Variants in ALG14 observed in about 807,000 individuals in gnomAD.
ALG14 encodes the protein ALG14 UDP-N-acetylglucosaminyltransferase subunit.
Under a neutral mutation model 22.8 loss-of-function variants are expected in ALG14, and 17 were observed. The ratio of observed to expected loss-of-function variants is 0.75; its 90% CI spans 0.51 to 1.12. ALG14 has a LOEUF of 1.12. ALG14 is among the 50% of genes most tolerant of loss of function. ALG14 has a pLI of 0.00. For missense variants in ALG14, 288 were observed against 271.8 expected, an observed-to-expected ratio of 1.06 and a Z score of -0.42; for synonymous variants, 89 against 103.7, an observed-to-expected ratio of 0.86 and a Z score of 0.86.
At position 94,981,863 on chromosome 1, in the gene ALG14, T is replaced by A. The variant is rs1450176549; in HGVS notation, c.*1213A>T. The A allele has an allele frequency of 6.6e-6, 1 of 151,538 alleles. No homozygotes were observed. Among genetic ancestry groups the A allele is most frequent in the Non-Finnish European group, 1.5e-5 (1 of 67,972 alleles). The allele number at this position is 151,538 out of a possible 1,614,324, so 9.4% of individuals were successfully genotyped here. On this transcript the variant is annotated 3_prime_UTR_variant, in exon 4 of 4. Transcript: ENST00000370205. ...AGGACCAGCGAAAGAATTCAGAGGG[T>A]CTAAAATATAAGTTCATTGTTTAAA...
chr1:95,038,889 T>A (rs538012635), intron 2 of ALG14, among the ~76,000 whole-genome samples: 33 of 151,868 alleles, frequency 2.2e-4, no homozygotes, highest in Admixed American at 1.2e-3. Context: ...TTGCTGATTT[T>A]AAAAAAACTT....
At chr1:95,071,233 G>C (rs1420726343) in intron 1 of ALG14, among the ~76,000 whole-genome samples, 2 of 152,140 alleles carry the variant, frequency 1.3e-5, no homozygotes, top group Admixed American at 6.5e-5. Context: ...CAACAGTGGA[G>C]TAGCAGCAAT....
At chr1:94,984,730 A>G (rs966209330) in intron 3 of ALG14, among the ~76,000 whole-genome samples, 4 of 152,192 alleles carry the variant, frequency 2.6e-5, no homozygotes, top group Non-Finnish European at 5.9e-5. Flanking sequence ...GTAATAGAAA[A>G]TGGAACTGAG....
intron 1 of ALG14, 113 bp downstream of exon 1, chr1:95,072,650 C>T: frequency 7.0e-7 from 1 of 1,434,272 alleles, no homozygotes; most frequent in Non-Finnish European, 9.4e-7. Context: ...AACTACAAAT[C>T]TCTGCATGCA....
chr1:95,041,537 C>A (rs1674378962), intron 2 of ALG14: 1 of 151,184 alleles, frequency 6.6e-6, no homozygotes, highest in South Asian at 2.1e-4. Context: ...ACTGCTTGAG[C>A]CCAGGAATTC....
At position 94,986,090 on chromosome 1, in the gene ALG14, TAAGTA is replaced by T. The variant is rs1341164682; in HGVS notation, c.421-2789_421-2785del. Among the ~76,000 whole-genome samples, 8 of 152,340 alleles carry T rather than the reference TAAGTA, an allele frequency of 5.3e-5. No individual in the cohort carries two copies. The East Asian group carries it at 1.5e-3, about 29-fold the overall frequency. On this transcript the variant is annotated intron_variant, in intron 3 of 3. Coordinates refer to ENST00000370205, the MANE Select transcript of ALG14 (RefSeq NM_144988.4). ...CAAAGCAGAACTCACTGAGACAGTC[TAAGTA>T]AAGATGTTAAATGATATAATGATTG... is the stretch of plus-strand genomic sequence containing the variant.
chr1:95,047,014 AAC>A, intron 2 of ALG14, among the ~76,000 whole-genome samples: 1 of 145,498 alleles, frequency 6.9e-6, no homozygotes. Flanking sequence ...AACATAACAT[AAC>A]ATAACATAAC....
chr1:94,993,012 T>C (rs1038545268), intron 3 of ALG14, among the ~76,000 whole-genome samples: 1 of 151,296 alleles, frequency 6.6e-6, no homozygotes, highest in African/African-American at 2.4e-5. Context: ...ATGAAACACA[T>C]AGACTATGTG....
chr1:95,002,906 G>C (rs1172528043), intron 3 of ALG14, among the ~76,000 whole-genome samples: 2 of 152,142 alleles, frequency 1.3e-5, no homozygotes, highest in Non-Finnish European at 2.9e-5. Context: ...TCAAGGCCCA[G>C]CTTAGTCTTT....
intron 2 of ALG14, among the ~76,000 whole-genome samples, chr1:95,032,871 G>A (rs1017006076): frequency 6.6e-6 from 1 of 152,132 alleles, no homozygotes. Flanking sequence ...AATCTTAAGA[G>A]AGTTTTTATT....
intron 2 of ALG14, among the ~76,000 whole-genome samples, chr1:95,043,289 C>CA (rs1674441215): frequency 6.6e-6 from 1 of 152,102 alleles, no homozygotes; most frequent in East Asian, 1.9e-4. Flanking sequence ...GGGAGGCCCC[C>CA]CATACACACG....
chr1:94,999,343 AT>A (rs548389921), intron 3 of ALG14, among the ~76,000 whole-genome samples: 11,999 of 108,498 alleles, frequency 0.11, 325 homozygotes, highest in African/African-American at 0.13. Context: ...CAGTAGACCC[AT>A]TTTTTTTTTT....
At chr1:95,014,152 C>T (rs1005575375) in intron 3 of ALG14, among the ~76,000 whole-genome samples, 27 of 152,148 alleles carry the variant, frequency 1.8e-4, no homozygotes, top group African/African-American at 6.3e-4. Context: ...GCATTGTTCA[C>T]TGTTTGGCTG....
chr1:95,068,992 G>C (rs889596622), intron 1 of ALG14, among the ~76,000 whole-genome samples: 4 of 152,102 alleles, frequency 2.6e-5, no homozygotes, highest in Non-Finnish European at 1.5e-5. Context: ...ATCTGAATGC[G>C]ATTGCTTTTC....
intron 2 of ALG14, among the ~76,000 whole-genome samples, chr1:95,042,041 A>T (rs2100798612): frequency 6.6e-6 from 1 of 152,292 alleles, no homozygotes; most frequent in East Asian, 1.9e-4. Context: ...TTAGATATTT[A>T]TAAAAAAATA....
intron 3 of ALG14, among the ~76,000 whole-genome samples, chr1:95,014,808 T>A (rs1209544916): frequency 1.3e-5 from 2 of 152,124 alleles, no homozygotes; most frequent in Non-Finnish European, 2.9e-5. Flanking sequence ...AGCAATGACA[T>A]CAGAAAGTCT....
At chr1:95,026,702 G>A (rs553819537) in intron 3 of ALG14, among the ~76,000 whole-genome samples, 1 of 152,180 alleles carries the variant, frequency 6.6e-6, no homozygotes, top group African/African-American at 2.4e-5. Context: ...GCCGAGGCGG[G>A]CAGATTACTT....
intron 3 of ALG14, among the ~76,000 whole-genome samples, chr1:95,007,213 C>T (rs916840997): frequency 6.6e-6 from 1 of 152,118 alleles, no homozygotes; most frequent in African/African-American, 2.4e-5. Flanking sequence ...GGGGTTTTCC[C>T]CCTTTGTTCG....
chr1:95,022,699 G>A (rs1316176172), intron 3 of ALG14, among the ~76,000 whole-genome samples: 1 of 152,126 alleles, frequency 6.6e-6, no homozygotes. Flanking sequence ...AGACAAGTGT[G>A]GTCTAATTGT....
Sources: gnomAD v4.1 joint callset for allele counts (sites outside exome capture counted in the v4.1 genomes callset) on GRCh38, gnomAD v4.1.1 for gene constraint, MANE v1.5 for transcripts, NCBI Gene and HGNC (gene_info 2026-07-23, HGNC 2026-07-21) for gene names.